Variants in NDUFA8 observed in about 807,000 individuals in gnomAD.
NDUFA8 encodes NADH dehydrogenase [ubiquinone] 1 alpha subcomplex subunit 8.
Under a neutral mutation model 20.9 loss-of-function variants are expected in NDUFA8, and 16 were observed. The observed-to-expected ratio is 0.77, with a 90% CI of 0.52 to 1.16. The LOEUF (loss-of-function observed/expected upper bound fraction) is 1.16, where lower values mean the gene tolerates loss of function less well. Ranked by LOEUF, NDUFA8 falls within the 50% of genes most tolerant of loss-of-function variation. The pLI, the probability that NDUFA8 is intolerant of heterozygous loss-of-function variation, is 0.00. For synonymous variants in NDUFA8, 70 were observed against 76.1 expected (o/e 0.92, Z 0.41); for missense variants, 202 against 216.4 (o/e 0.93, Z 0.42).
chr9:122,138,866 G>GT, the NDUFA8 span, among the ~76,000 whole-genome samples: 452 of 19,182 alleles, frequency 0.024, 12 homozygotes, highest in African/African-American at 0.071. Flanking sequence ...AAGAAGAGGT[G>GT]GGGGGGGGGC....
the NDUFA8 span, among the ~76,000 whole-genome samples, chr9:122,134,898 G>A: frequency 2.0e-5 from 3 of 152,212 alleles, no homozygotes; most frequent in Non-Finnish European, 4.4e-5. Flanking sequence ...GGCACGAGAG[G>A]GCGACTGCCT....
rs192745670 is a variant in NDUFA8, at chr9:122,146,614, G to A, written c.381+1498C>T. Among the ~76,000 whole-genome samples, 6 of 152,290 alleles carry A rather than the reference G, an allele frequency of 3.9e-5. No individual in the cohort carries two copies. In the East Asian group the frequency reaches 9.6e-4, roughly 24 times the overall value. Reference sequence around the variant, plus strand: ...CACAGATGCTATACACAAAGAGAAGGGAACTAGACCGGGTATGGTGACCTG... The same window carrying A: ...CACAGATGCTATACACAAAGAGAAGAGAACTAGACCGGGTATGGTGACCTG... On this transcript the variant is annotated intron_variant, in intron 3 of 3. Transcript: ENST00000373768.
chr9:122,136,821 C>T, the NDUFA8 span, among the ~76,000 whole-genome samples: 1 of 152,216 alleles, frequency 6.6e-6, no homozygotes, highest in Non-Finnish European at 1.5e-5. Context: ...TCCCAAAGTG[C>T]TGGGATTACA....
chr9:122,149,878 A>AC (rs1828965348), intron 2 of NDUFA8, among the ~76,000 whole-genome samples: 1 of 151,924 alleles, frequency 6.6e-6, no homozygotes, highest in South Asian at 2.1e-4. Context: ...AATCGCTTGA[A>AC]CCCAGGAGGC....
At chr9:122,132,956 G>A in the NDUFA8 span, 1 of 455,942 alleles carries the variant, frequency 2.2e-6, no homozygotes. Context: ...TCTCTCTCCA[G>A]TCCTTGGGAA....
intron 2 of NDUFA8, 66 bp downstream of exon 2, chr9:122,152,179 C>A: frequency 6.4e-7 from 1 of 1,557,336 alleles, no homozygotes; most frequent in Non-Finnish European, 8.9e-7. Flanking sequence ...TATTAGCTGG[C>A]TGTTCACTTA....
downstream of NDUFA8, among the ~76,000 whole-genome samples, chr9:122,142,008 A>G (rs1588289534): frequency 6.6e-6 from 1 of 152,190 alleles, no homozygotes; most frequent in Non-Finnish European, 1.5e-5. Flanking sequence ...CTCTGGTTCT[A>G]AAGAGGTGAA....
chr9:122,138,865 T>TG, the NDUFA8 span, among the ~76,000 whole-genome samples: 11,533 of 89,264 alleles, frequency 0.13, 1,245 homozygotes, highest in African/African-American at 0.29. Flanking sequence ...CAAGAAGAGG[T>TG]GGGGGGGGGG....
At chr9:122,153,883 C>T (rs1187636332) in intron 1 of NDUFA8, among the ~76,000 whole-genome samples, 1 of 152,186 alleles carries the variant, frequency 6.6e-6, no homozygotes, top group East Asian at 1.9e-4. Flanking sequence ...ACTTCACATC[C>T]TCAGAGAGCC....
intron 1 of NDUFA8, among the ~76,000 whole-genome samples, chr9:122,155,046 G>A (rs1232244727): frequency 2.6e-5 from 4 of 152,124 alleles, no homozygotes; most frequent in African/African-American, 9.7e-5. Context: ...ATTAAAAATT[G>A]TTGTGTGAGA....
chr9:122,145,536 T>A (rs1383818582), intron 3 of NDUFA8, among the ~76,000 whole-genome samples: 2 of 152,236 alleles, frequency 1.3e-5, no homozygotes, highest in East Asian at 1.9e-4. Context: ...ATGACCAGAT[T>A]CATCTTCCTA....
Position 122,144,376 on chromosome 9 carries a change from G to A in NDUFA8, c.384C>T (p.Val128=). The A allele has an allele frequency of 6.2e-7, 1 of 1,614,130 alleles. No individual in the cohort carries two copies. The highest frequency in any genetic ancestry group is 1.1e-5 in the South Asian group (1 of 91,058). ...VRPDLGELSK[V]TKVKTDRPLP... Reference sequence around the variant, plus strand: ...AAGGTCGATCTGTTTTCACTTTGGTGACCTGGGAAGGGTGAAGAGGGCAAA... The same window carrying A: ...AAGGTCGATCTGTTTTCACTTTGGTAACCTGGGAAGGGTGAAGAGGGCAAA... The change falls in exon 4 of 4, where the codon GTC becomes GTT. Residue 128 remains valine, a splice_region_variant and synonymous_variant. Coordinates refer to ENST00000373768, the MANE Select transcript of NDUFA8 (RefSeq NM_014222.3).
chr9:122,155,218 T>C (rs748875873), intron 1 of NDUFA8, among the ~76,000 whole-genome samples: 2 of 152,190 alleles, frequency 1.3e-5, no homozygotes, highest in Non-Finnish European at 2.9e-5. Context: ...TAGCTGGGAT[T>C]ACAGGCATGC....
At chr9:122,138,149 T>A in the NDUFA8 span, among the ~76,000 whole-genome samples, 1 of 152,178 alleles carries the variant, frequency 6.6e-6, no homozygotes, top group African/African-American at 2.4e-5. Flanking sequence ...GGAACAGTAT[T>A]ATCATTTTCT....
At chr9:122,150,347 C>T (rs1343054632) in intron 2 of NDUFA8, among the ~76,000 whole-genome samples, 2 of 133,050 alleles carry the variant, frequency 1.5e-5, no homozygotes, top group African/African-American at 2.8e-5. Context: ...GGAGGCGGAG[C>T]TTGCAGTAAG....
At chr9:122,139,984 C>T (rs532592589), downstream of NDUFA8, among the ~76,000 whole-genome samples, 4 of 152,342 alleles carry the variant, frequency 2.6e-5, no homozygotes, top group South Asian at 2.1e-4. Context: ...TGAGCCACCG[C>T]GCCCGGCCCC....
At chr9:122,157,932 T>C (rs1272933268) in intron 1 of NDUFA8, among the ~76,000 whole-genome samples, 1 of 152,130 alleles carries the variant, frequency 6.6e-6, no homozygotes, top group Non-Finnish European at 1.5e-5. Context: ...GGCAGGCAGA[T>C]TACGAGGTCA....
Position 122,159,707 on chromosome 9 carries a change from GC to G in NDUFA8, c.-31del. ...GCTGCAGCCCCGACCCCGACGAGAA[GC>G]CCTCAGCCGCGTCGCCCCCGTCTCC... On this transcript the variant is annotated 5_prime_UTR_variant, in exon 1 of 4. Coordinates refer to ENST00000373768, the MANE Select transcript of NDUFA8 (RefSeq NM_014222.3). 6.2e-7 allele frequency: 1 copy of G among 1,613,974 alleles called. No homozygotes were observed. The highest frequency in any genetic ancestry group is 1.1e-5 in the South Asian group (1 of 91,086).
downstream of NDUFA8, among the ~76,000 whole-genome samples, chr9:122,140,705 T>A (rs1453596373): frequency 6.6e-6 from 1 of 152,238 alleles, no homozygotes; most frequent in Non-Finnish European, 1.5e-5. Flanking sequence ...TACAGTCTTA[T>A]AACAATGCTA....
Sources: allele counts gnomAD v4.1 joint callset (sites outside exome capture counted in the v4.1 genomes callset), GRCh38; gene constraint gnomAD v4.1.1; transcripts MANE v1.5; gene names NCBI Gene and HGNC (gene_info 2026-07-23, HGNC 2026-07-21).